SETBP1: variants seen among roughly 807,000 people sequenced by gnomAD.
SETBP1 encodes the protein SET binding protein 1.
Under a neutral mutation model 101.0 loss-of-function variants are expected in SETBP1, and 9 were observed. The observed-to-expected ratio is 0.09, with a 90% CI of 0.05 to 0.16. The LOEUF (loss-of-function observed/expected upper bound fraction) is 0.16, where lower values mean the gene tolerates loss of function less well. Ranked by LOEUF, SETBP1 falls within the 10% of genes least tolerant of loss-of-function variation. The probability of loss-of-function intolerance (pLI) is 1.00; values close to 1 mark genes in which losing one functional copy is unlikely to be tolerated. For synonymous variants in SETBP1, 818 were observed against 788.5 expected, an observed-to-expected ratio of 1.04 and a Z score of -0.63; for missense variants, 1,858 against 2,033.8, an observed-to-expected ratio of 0.91 and a Z score of 1.66.
chr18:45,020,706 A>G (rs1278088988), intron 4 of SETBP1, among the ~76,000 whole-genome samples: 1 of 152,182 alleles, frequency 6.6e-6, no homozygotes, highest in African/African-American at 2.4e-5. Flanking sequence ...CATGTCCTGA[A>G]TCTCTGTCCT....
intron 4 of SETBP1, among the ~76,000 whole-genome samples, chr18:44,954,010 G>A (rs1047138834): frequency 6.6e-6 from 1 of 152,174 alleles, no homozygotes; most frequent in African/African-American, 2.4e-5. Context: ...GCTGGAAGGT[G>A]ATATGTGCCT....
At chr18:45,030,920 T>A (rs2073283463) in intron 4 of SETBP1, among the ~76,000 whole-genome samples, 3 of 151,878 alleles carry the variant, frequency 2.0e-5, no homozygotes, top group East Asian at 1.9e-4. Context: ...TTATTAGTCT[T>A]GCTAGCAGTC....
intron 2 of SETBP1, among the ~76,000 whole-genome samples, chr18:44,712,268 A>T (rs1332990933): frequency 6.6e-6 from 1 of 152,152 alleles, no homozygotes; most frequent in East Asian, 1.9e-4. Flanking sequence ...GTGGGTAGGA[A>T]ATTCTTAAAA....
At chr18:45,038,790 C>T (rs1189546884) in intron 5 of SETBP1, 135 bp downstream of exon 5, 3 of 852,422 alleles carry the variant, frequency 3.5e-6, no homozygotes, top group East Asian at 2.7e-5. Context: ...ACATGGGAGC[C>T]GTTTCAGCAC....
At chr18:44,770,829 A>T (rs1204643708) in intron 2 of SETBP1, among the ~76,000 whole-genome samples, 1 of 152,084 alleles carries the variant, frequency 6.6e-6, no homozygotes, top group Non-Finnish European at 1.5e-5. Context: ...GTTGGATTCC[A>T]GAAGGCATTC....
intron 4 of SETBP1, among the ~76,000 whole-genome samples, chr18:44,982,469 C>T (rs562326344): frequency 2.6e-5 from 4 of 152,270 alleles, no homozygotes; most frequent in East Asian, 3.9e-4. Flanking sequence ...GGCTCTGGTT[C>T]GACTTGCATT....
chr18:44,865,663 G>C (rs2069112861), intron 2 of SETBP1, among the ~76,000 whole-genome samples: 1 of 152,188 alleles, frequency 6.6e-6, no homozygotes, highest in Admixed American at 6.6e-5. Context: ...TCAAGATGCA[G>C]GGTTTATGTT....
At chr18:45,044,951 T>C (rs2073579751) in intron 5 of SETBP1, among the ~76,000 whole-genome samples, 1 of 152,142 alleles carries the variant, frequency 6.6e-6, no homozygotes, top group Non-Finnish European at 1.5e-5. Context: ...AAAAATCATT[T>C]GCTTCTTTGC....
intron 2 of SETBP1, among the ~76,000 whole-genome samples, chr18:44,858,081 C>G (rs2073011814): frequency 6.6e-6 from 1 of 152,098 alleles, no homozygotes; most frequent in Non-Finnish European, 1.5e-5. Flanking sequence ...AGATTTTTAA[C>G]AAAGGACGAG....
chr18:44,689,175 C>A (rs903190835), intron 1 of SETBP1, among the ~76,000 whole-genome samples: 1 of 152,144 alleles, frequency 6.6e-6, no homozygotes, highest in Non-Finnish European at 1.5e-5. Flanking sequence ...ACATTCTTGG[C>A]GGGTAGAACA....
At chr18:44,703,396 G>GTTTT (rs2069155892) in intron 2 of SETBP1, among the ~76,000 whole-genome samples, 1 of 30,410 alleles carries the variant, frequency 3.3e-5, no homozygotes, top group Non-Finnish European at 6.4e-5. Context: ...TTTTTTTTTA[G>GTTTT]CTTTGGGGCA....
In SETBP1 at chr18:45,063,559, G is replaced by A. The variant is rs1568059354; in HGVS notation, c.4652G>A (p.Gly1551Glu). Residue 1551 changes from glycine (G) to glutamate (E), a missense_variant, in exon 6 of 6, where the codon GGA becomes GAA. Gly to Glu is a moderately conservative substitution (Grantham distance 98). Around this residue, in one of 12 missense-constraint regions of SETBP1, gnomAD observed 178 missense variants for 189.1 expected, o/e 0.94. Coordinates refer to ENST00000649279, the MANE Select transcript of SETBP1 (RefSeq NM_015559.3). ...CCTCTACCCAAGACCCCCCGAGGCG[G>A]AAAGAGGAAACACAAACCGCAGGCC... ...PPPLPKTPRG[G>E]KRKHKPQAPA... 6.6e-7 allele frequency: 1 copy of A among 1,517,918 alleles called. No homozygotes were observed. Among genetic ancestry groups the A allele is most frequent in the South Asian group, 1.2e-5 (1 of 82,126 alleles). 94.0% of individuals were successfully genotyped at this position (1,517,918 alleles called of 1,614,324 possible).
intron 2 of SETBP1, among the ~76,000 whole-genome samples, chr18:44,854,569 A>G (rs777001951): frequency 6.6e-6 from 1 of 152,140 alleles, no homozygotes; most frequent in Non-Finnish European, 1.5e-5. Context: ...GACCATGCCT[A>G]CCCTACCACC....
intron 2 of SETBP1, among the ~76,000 whole-genome samples, chr18:44,798,015 G>A (rs2071519874): frequency 1.3e-5 from 2 of 152,100 alleles, no homozygotes; most frequent in Non-Finnish European, 2.9e-5. Flanking sequence ...GCAGTCACCT[G>A]TTCTACTAAA....
chr18:44,778,463 T>A (rs2071053778), intron 2 of SETBP1, among the ~76,000 whole-genome samples: 1 of 152,236 alleles, frequency 6.6e-6, no homozygotes, highest in South Asian at 2.1e-4. Flanking sequence ...TAAAGAACTG[T>A]CAAGTACCAA....
At position 44,861,185 on chromosome 18, in the gene SETBP1, G is replaced by A. The variant is rs181504216; in HGVS notation, c.487-8045G>A. The stretch of plus-strand genomic sequence containing the variant: ...TCCATGAAATTCAGGGCTTCTTAGC[G>A]CACAGTTTGAAAACCACTGTCTTGT... On this transcript the variant is annotated intron_variant, in intron 2 of 5. Transcript: ENST00000649279. Among the ~76,000 whole-genome samples the A allele has an allele frequency of 1.8e-3, 271 of 148,984 alleles. 1 individual carries two copies. Among genetic ancestry groups the A allele is most frequent in the Non-Finnish European group, 3.3e-3 (224 of 67,460 alleles).
chr18:44,680,181 G>C (rs1226676689), upstream of SETBP1: 1 of 143,836 alleles, frequency 7.0e-6, no homozygotes, highest in African/African-American at 2.5e-5. Flanking sequence ...GGAAGCGCGG[G>C]GCCGGCCGGG....
chr18:44,964,891 C>T (rs1393750320), intron 4 of SETBP1, among the ~76,000 whole-genome samples: 1 of 152,218 alleles, frequency 6.6e-6, no homozygotes, highest in African/African-American at 2.4e-5. Flanking sequence ...CAGATTTGCT[C>T]GTGATAACCT....
chr18:44,736,931 T>A (rs1488772474), intron 2 of SETBP1, among the ~76,000 whole-genome samples: 1 of 152,168 alleles, frequency 6.6e-6, no homozygotes, highest in Non-Finnish European at 1.5e-5. Flanking sequence ...CTGTGCTCAC[T>A]CTCTCTCTCT....
Sources: allele counts gnomAD v4.1 joint callset (sites outside exome capture counted in the v4.1 genomes callset), GRCh38; gene constraint gnomAD v4.1.1; regional missense constraint gnomAD v4.1.1; transcripts MANE v1.5; gene names NCBI Gene and HGNC (gene_info 2026-07-23, HGNC 2026-07-21).